C2CD5: variants seen among roughly 807,000 people sequenced by gnomAD.
C2CD5 encodes C2 calcium dependent domain containing 5.
Under a neutral mutation model 130.3 loss-of-function variants are expected in C2CD5, and 109 were observed. The observed-to-expected ratio is 0.84, with a 90% confidence interval of 0.72 to 0.98. The LOEUF (loss-of-function observed/expected upper bound fraction) is 0.98, where lower values mean the gene tolerates loss of function less well. Among genes scored for constraint, C2CD5 ranks in the 50% least tolerant of loss-of-function variants. The probability of loss-of-function intolerance (pLI) is 0.00; values close to 1 mark genes in which losing one functional copy is unlikely to be tolerated. For synonymous variants in C2CD5, 454 were observed against 429.2 expected (o/e 1.06, Z -0.71); for missense variants, 996 against 1,261.8 (o/e 0.79, Z 3.19).
intron 10 of C2CD5, among the ~76,000 whole-genome samples, chr12:22,501,703 T>C: frequency 6.6e-6 from 1 of 152,154 alleles, no homozygotes; most frequent in East Asian, 1.9e-4. Context: ...CATCTGTAAA[T>C]GTTGGACTTA....
chr12:22,452,711 A>G (rs189485392), intron 26 of C2CD5, among the ~76,000 whole-genome samples: 2 of 152,342 alleles, frequency 1.3e-5, no homozygotes, highest in Non-Finnish European at 1.5e-5. Flanking sequence ...GAAAACCTGA[A>G]AAGAACTTAG....
Position 22,544,473 on chromosome 12 carries a change from G to A in C2CD5, c.-183C>T, listed in dbSNP as rs1448217076. The stretch of plus-strand genomic sequence containing the variant: ...GTCAGCATCCCGTTGAGCCTCTGCC[G>A]CCCCTGCTTGTCTCTCCTCCCCCGC... On this transcript the variant is annotated 5_prime_UTR_variant, in exon 1 of 27. Coordinates refer to ENST00000446597, the MANE Select transcript of C2CD5 (RefSeq NM_001286176.2). 4 of 218,928 alleles carry A rather than the reference G, an allele frequency of 1.8e-5. No homozygotes were observed. The highest frequency in any genetic ancestry group is 3.6e-5 in the Non-Finnish European group (4 of 111,606). 13.6% of individuals were successfully genotyped at this position (218,928 alleles called of 1,614,324 possible).
At chr12:22,495,347 T>C (rs1472752420) in intron 10 of C2CD5, among the ~76,000 whole-genome samples, 1 of 152,030 alleles carries the variant, frequency 6.6e-6, no homozygotes, top group African/African-American at 2.4e-5. Context: ...TAGAAATTAA[T>C]AAAAAATGGA....
chr12:22,457,266 G>T, intron 24 of C2CD5, 105 bp from the exon 25 acceptor site: 2 of 653,968 alleles, frequency 3.1e-6, no homozygotes, highest in Non-Finnish European at 5.0e-6. Context: ...TGTCTGTGAG[G>T]CTAAGCCATG....
intron 21 of C2CD5, among the ~76,000 whole-genome samples, chr12:22,470,465 C>T (rs1565668969): frequency 6.6e-6 from 1 of 152,100 alleles, no homozygotes; most frequent in Non-Finnish European, 1.5e-5. Flanking sequence ...AAATAATACA[C>T]AGGCACACAA....
intron 22 of C2CD5, among the ~76,000 whole-genome samples, chr12:22,467,431 G>A (rs149174370): frequency 3.9e-5 from 6 of 152,224 alleles, no homozygotes; most frequent in East Asian, 1.9e-4. Flanking sequence ...GAGTCACCGC[G>A]CCCAGCTGAA....
intron 7 of C2CD5, among the ~76,000 whole-genome samples, chr12:22,521,920 CCT>C (rs1950304171): frequency 6.6e-6 from 1 of 152,058 alleles, no homozygotes; most frequent in Admixed American, 6.6e-5. Context: ...CTATTCAACC[CCT>C]CCTGACTACT....
At position 22,453,852 on chromosome 12, in the gene C2CD5, A is replaced by T. The variant is rs1481935818; in HGVS notation, c.3024+44T>A. ...TTAGGGGTAGGAAGCCATGGAAGAA[A>T]TTCTCAGGTTCCCGCCAATCAGGAA... is the stretch of plus-strand genomic sequence containing the variant. On this transcript the variant is annotated intron_variant, in intron 26 of 26. Coordinates refer to ENST00000446597, the MANE Select transcript of C2CD5 (RefSeq NM_001286176.2). 7 of 1,593,228 alleles carry T rather than the reference A, an allele frequency of 4.4e-6. No homozygotes were observed. The East Asian group carries it at 1.6e-4, about 36-fold the overall frequency.
Position 22,458,585 on chromosome 12 carries a change from G to C in C2CD5, c.2585C>G (p.Ala862Gly), listed in dbSNP as rs896915497. The change falls in exon 24 of 27, where the codon GCA becomes GGA. Residue 862 changes from alanine to glycine, a missense_variant and splice_region_variant. By Grantham distance (60) the Ala-to-Gly change is moderately conservative. This residue lies in a region of C2CD5 where 590 missense variants were observed against 631.4 expected (regional missense o/e 0.93). Coordinates refer to ENST00000446597, the MANE Select transcript of C2CD5 (RefSeq NM_001286176.2). ...SNSGIPAAQR[A>G]TSVDYSSFAD... ...AAAGGAACTGTAATCAACTGACGTT[G>C]CTGAAAACACAGACAGAAAACAAAA... 1 of 1,256,012 alleles carries C rather than the reference G, an allele frequency of 8.0e-7. No homozygotes were observed. The highest frequency in any genetic ancestry group is 1.0e-6 in the Non-Finnish European group (1 of 994,420). 77.8% of individuals were successfully genotyped at this position (1,256,012 alleles called of 1,614,324 possible). A position where few individuals can be genotyped will look rare whatever the true frequency, so the allele number is the denominator to read the frequency against.
intron 22 of C2CD5, among the ~76,000 whole-genome samples, chr12:22,464,490 C>T (rs1416310628): frequency 6.6e-6 from 1 of 152,160 alleles, no homozygotes; most frequent in East Asian, 1.9e-4. Context: ...CCTCAAGCTG[C>T]CTTGAAGAAG....
At chr12:22,463,284 G>C (rs1941511214) in intron 22 of C2CD5, 1 of 151,420 alleles carries the variant, frequency 6.6e-6, no homozygotes, top group South Asian at 2.1e-4. Context: ...CCAGCTACTT[G>C]GGAGGCTGAG....
intron 22 of C2CD5, among the ~76,000 whole-genome samples, chr12:22,465,218 A>C (rs1000896668): frequency 3.3e-5 from 5 of 152,130 alleles, no homozygotes; most frequent in African/African-American, 7.2e-5. Context: ...GAACACGAGG[A>C]AATACTCTAG....
At position 22,469,695 on chromosome 12, in the gene C2CD5, C is replaced by G; in HGVS notation, c.2533+14G>C. On this transcript the variant is annotated intron_variant, in intron 22 of 26. Transcript: ENST00000446597. Reference sequence around the variant, plus strand: ...ACCAGGATTTGTGTTTGCTTTTTCCCTCACTTAACCAACCTTTAGCTGGTG... The same window carrying G: ...ACCAGGATTTGTGTTTGCTTTTTCCGTCACTTAACCAACCTTTAGCTGGTG... The G allele has an allele frequency of 6.5e-7, 1 of 1,546,580 alleles. No individual in the cohort carries two copies. Among genetic ancestry groups the G allele is most frequent in the Admixed American group, 1.9e-5 (1 of 53,408 alleles).
intron 10 of C2CD5, among the ~76,000 whole-genome samples, chr12:22,505,626 AG>A: frequency 6.6e-6 from 1 of 152,246 alleles, no homozygotes; most frequent in Middle Eastern, 3.4e-3. Flanking sequence ...AGTCAATGAG[AG>A]ATGCAAGAAC....
At chr12:22,506,937 T>C (rs11046449) in intron 9 of C2CD5, 118 bp from the exon 10 acceptor site, 1 of 660,476 alleles carries the variant, frequency 1.5e-6, no homozygotes, top group Non-Finnish European at 2.7e-6. Context: ...AGGCCACCCA[T>C]TACACATCAC....
chr12:22,500,553 C>T (rs1591860835), intron 10 of C2CD5, among the ~76,000 whole-genome samples: 1 of 152,140 alleles, frequency 6.6e-6, no homozygotes, highest in African/African-American at 2.4e-5. Flanking sequence ...TATCTTGTAT[C>T]ACACCATACC....
intron 15 of C2CD5, chr12:22,478,011 TCA>T (rs543658384): frequency 0.012 from 3,270 of 272,962 alleles, 3 homozygotes; most frequent in South Asian, 0.02. Flanking sequence ...ACACACACAC[TCA>T]CACACACACA....
At chr12:22,482,432 TC>T (rs1944870319) in intron 14 of C2CD5, 124 bp downstream of exon 14, 1 of 711,828 alleles carries the variant, frequency 1.4e-6, no homozygotes, top group Non-Finnish European at 2.3e-6. Context: ...AATGTCCTCG[TC>T]CCATAAAGGT....
rs182962422 is a variant in C2CD5, at chr12:22,498,882, G to A, written c.1148-5545C>T. On this transcript the variant is annotated intron_variant, in intron 10 of 26. Coordinates refer to ENST00000446597, the MANE Select transcript of C2CD5 (RefSeq NM_001286176.2). ...ATAAACAATTACATTTTGATACCAC[G>A]CTATATAACTTCTTTACTTCTTCTT... 2.3e-3 allele frequency among the ~76,000 whole-genome samples: 356 copies of A among 152,048 alleles called. 2 individuals are homozygous for A. Among genetic ancestry groups the A allele is most frequent in the Non-Finnish European group, 4.1e-3 (277 of 67,996 alleles).
Sources: allele counts gnomAD v4.1 joint callset (sites outside exome capture counted in the v4.1 genomes callset), GRCh38; gene constraint gnomAD v4.1.1; regional missense constraint gnomAD v4.1.1; transcripts MANE v1.5; gene names NCBI Gene and HGNC (gene_info 2026-07-23, HGNC 2026-07-21).